The following TCERG1 variants were observed in gnomAD, a reference collection of about 807,000 sequenced individuals.
The protein encoded by TCERG1 is transcription elongation regulator 1, also known as TATA box binding protein (TBP)-associated factor, RNA polymerase II, S, 150kD.
TCERG1 carries 37 observed loss-of-function variants against 144.7 expected under a neutral mutation model. The observed-to-expected ratio is 0.26, with a 90% confidence interval of 0.20 to 0.34. The LOEUF is 0.34. Ranked by LOEUF, TCERG1 falls within the 10% of genes least tolerant of loss-of-function variation. The pLI, the probability that TCERG1 is intolerant of heterozygous loss-of-function variation, is 1.00. For missense variants in TCERG1, 1,027 were observed against 1,380.7 expected (o/e 0.74, Z 4.06); for synonymous variants, 492 against 458.2 (o/e 1.07, Z -0.94).
At chr5:146,486,647 C>G (rs963621267) in intron 15 of TCERG1, among the ~76,000 whole-genome samples, 2 of 152,118 alleles carry the variant, frequency 1.3e-5, no homozygotes, top group African/African-American at 2.4e-5. Context: ...GAAGTCTTAG[C>G]CAGAGCAATT....
chr5:146,478,281 T>C (rs770300419), intron 9 of TCERG1: 3 of 406,258 alleles, frequency 7.4e-6, no homozygotes, highest in Non-Finnish European at 8.3e-6. Context: ...ATTTCTTGGT[T>C]TTCTCAGTTA....
chr5:146,487,690 C>T (rs1282717666), intron 15 of TCERG1, among the ~76,000 whole-genome samples: 1 of 150,264 alleles, frequency 6.7e-6, no homozygotes. Context: ...GCTATGACCG[C>T]TACTGCACTC....
intron 15 of TCERG1, among the ~76,000 whole-genome samples, chr5:146,483,839 T>G (rs551421201): frequency 6.6e-6 from 1 of 152,228 alleles, no homozygotes; most frequent in Admixed American, 6.5e-5. Context: ...GCTGTTGTCT[T>G]GTAAACATTT....
chr5:146,486,504 G>C (rs12055124), intron 15 of TCERG1, among the ~76,000 whole-genome samples: 1 of 151,966 alleles, frequency 6.6e-6, no homozygotes. Flanking sequence ...ATAGATAGTC[G>C]TTATGCTATT....
intron 17 of TCERG1, among the ~76,000 whole-genome samples, chr5:146,500,184 A>G (rs1767301181): frequency 6.6e-6 from 1 of 151,960 alleles, no homozygotes; most frequent in Non-Finnish European, 1.5e-5. Flanking sequence ...TAAAAAAAAA[A>G]GGCAGGAAAT....
intron 1 of TCERG1, among the ~76,000 whole-genome samples, chr5:146,454,212 GAA>G (rs1491254857): frequency 6.7e-6 from 1 of 149,702 alleles, no homozygotes; most frequent in African/African-American, 2.4e-5. Context: ...AAAAAAAAAA[GAA>G]AAGAAAAGAA....
At chr5:146,451,513 G>T (rs925770958) in intron 1 of TCERG1, among the ~76,000 whole-genome samples, 5 of 151,456 alleles carry the variant, frequency 3.3e-5, no homozygotes, top group South Asian at 2.1e-4. Flanking sequence ...AGTAGAGTGG[G>T]GGTTTCACTA....
intron 3 of TCERG1, 120 bp from the exon 4 acceptor site, chr5:146,458,764 C>A: frequency 2.2e-6 from 3 of 1,362,336 alleles, no homozygotes; most frequent in African/African-American, 1.5e-5. Context: ...CAGGAATGAG[C>A]CACCACGCCT....
rs1280929729 is a variant in TCERG1, at chr5:146,483,699, A to G, written c.2163+70A>G. 3.3e-6 allele frequency: 4 copies of G among 1,227,668 alleles called. No homozygotes were observed. In the Admixed American group the frequency reaches 7.0e-5, roughly 21 times the overall value. 76.0% of individuals were successfully genotyped at this position (1,227,668 alleles called of 1,614,324 possible). ...ACATAGTTTTTAAATTATAAGGAAT[A>G]AAGTACCATCCCTTTTTTTTCTGAT... is the stretch of plus-strand genomic sequence containing the variant. On this transcript the variant is annotated intron_variant, in intron 15 of 22. Transcript: ENST00000679501.
chr5:146,490,268 G>A (rs1181912834), intron 15 of TCERG1, among the ~76,000 whole-genome samples: 1 of 152,186 alleles, frequency 6.6e-6, no homozygotes, highest in Non-Finnish European at 1.5e-5. Context: ...CCCAGTGGAT[G>A]AAGATTGGTA....
At chr5:146,488,700 T>C (rs924229549) in intron 15 of TCERG1, among the ~76,000 whole-genome samples, 1 of 152,162 alleles carries the variant, frequency 6.6e-6, no homozygotes, top group Non-Finnish European at 1.5e-5. Context: ...AACAACGATA[T>C]GATCCAGCAA....
intron 16 of TCERG1, 29 bp downstream of exon 16, chr5:146,493,067 A>AG: frequency 1.4e-6 from 2 of 1,408,692 alleles, no homozygotes; most frequent in Non-Finnish European, 2.0e-6. Flanking sequence ...TTAAATATCA[A>AG]AGTGTATTTA....
chr5:146,509,679 T>C (rs1278289882), intron 22 of TCERG1, among the ~76,000 whole-genome samples: 2 of 152,126 alleles, frequency 1.3e-5, no homozygotes, highest in East Asian at 3.9e-4. Context: ...CATAAACATT[T>C]TTTTTTCCCT....
chr5:146,460,003 T>G (rs1374815439), intron 4 of TCERG1, among the ~76,000 whole-genome samples: 1 of 152,066 alleles, frequency 6.6e-6, no homozygotes, highest in Admixed American at 6.5e-5. Context: ...AATGCAGTAT[T>G]TTGGAGGATT....
intron 1 of TCERG1, among the ~76,000 whole-genome samples, chr5:146,451,773 G>GT (rs201619973): frequency 0.13 from 18,066 of 137,164 alleles, 2,038 homozygotes; most frequent in East Asian, 0.7. Flanking sequence ...AGGCAAATTA[G>GT]TTTTTTTTTT....
chr5:146,508,045 T>C (rs1226446665), intron 21 of TCERG1, 89 bp downstream of exon 21: 1 of 823,206 alleles, frequency 1.2e-6, no homozygotes, highest in East Asian at 2.7e-5. Context: ...CAAAATGAAG[T>C]TGATTGTTTT....
intron 10 of TCERG1, 117 bp downstream of exon 10, chr5:146,478,770 A>C: frequency 2.0e-6 from 2 of 1,010,340 alleles, no homozygotes; most frequent in Non-Finnish European, 2.8e-6. Context: ...GAAGCATTCG[A>C]AAAAAATAGA....
intron 17 of TCERG1, among the ~76,000 whole-genome samples, chr5:146,501,256 T>C (rs923328483): frequency 1.4e-4 from 22 of 152,274 alleles, no homozygotes; most frequent in African/African-American, 5.3e-4. Context: ...TAGTAAGGAA[T>C]GGGGAGAATA....
chr5:146,505,194 G>A (rs191611144), intron 19 of TCERG1, among the ~76,000 whole-genome samples: 3 of 151,898 alleles, frequency 2.0e-5, no homozygotes, highest in Admixed American at 2.0e-4. Context: ...TGTGGCCTGT[G>A]GGCCACGGGT....
Sources: allele counts gnomAD v4.1 joint callset (sites outside exome capture counted in the v4.1 genomes callset), GRCh38; gene constraint gnomAD v4.1.1; transcripts MANE v1.5; gene names NCBI Gene and HGNC (gene_info 2026-07-23, HGNC 2026-07-21).